AHNAK2: variants seen among roughly 807,000 people sequenced by gnomAD.
The protein encoded by AHNAK2 is protein AHNAK2.
Under a neutral mutation model 30.7 loss-of-function variants are expected in AHNAK2, and 18 were observed. The observed-to-expected ratio is 0.59, with a 90% CI of 0.41 to 0.87. The LOEUF is 0.87. Ranked by LOEUF, AHNAK2 falls within the 40% of genes least tolerant of loss-of-function variation. The pLI is 0.00. For synonymous variants in AHNAK2, 3,590 were observed against 3,073.8 expected (o/e 1.17, Z -5.56); for missense variants, 8,604 against 7,373.0 (o/e 1.17, Z -6.11).
rs1161726288 is a variant in AHNAK2, at chr14:104,952,720, C to T, written c.2731G>A (p.Gly911Ser). ...ACTTTGGGCAGGTGCACTTTGGGGC[C>T]GGCTCCCTCGGGCACAGGGCCCTCC... ...LPEGPVPEGA[G>S]PKVHLPKVEM... The change falls in exon 7 of 7, where the codon GGC becomes AGC. Residue 911 changes from glycine to serine, a missense_variant. Coordinates refer to ENST00000333244, the MANE Select transcript of AHNAK2 (RefSeq NM_138420.4). 12 of 1,612,382 alleles carry T rather than the reference C, an allele frequency of 7.4e-6. No individual in the cohort carries two copies. The highest frequency in any genetic ancestry group is 4.0e-5 in the African/African-American group (3 of 74,278).
At position 104,953,192 on chromosome 14, in the gene AHNAK2, G is replaced by A. The variant is rs1898847579; in HGVS notation, c.2259C>T (p.Ser753=). 5 of 1,612,908 alleles carry A rather than the reference G, an allele frequency of 3.1e-6. No individual in the cohort carries two copies. Among genetic ancestry groups the A allele is most frequent in the Non-Finnish European group, 4.2e-6 (5 of 1,179,628 alleles). The change falls in exon 7 of 7, where the codon AGC becomes AGT. Residue 753 remains serine, a synonymous_variant. Transcript: ENST00000333244. ...LPEGPLPEGA[S]LKGHLPKVQR... is the part of the protein sequence containing the mutation. ...GCACCTTGGGCAGGTGCCCTTTGAG[G>A]CTGGCTCCCTCGGGCAGGGGGCCCT...
rs370191157 is a variant in AHNAK2, at chr14:104,942,003, T to A, written c.13448A>T (p.Glu4483Val). The A allele has an allele frequency of 1.2e-6, 2 of 1,613,326 alleles. No homozygotes were observed. Among genetic ancestry groups the A allele is most frequent in the Non-Finnish European group, 1.7e-6 (2 of 1,179,680 alleles). ...TGGCGCAGACACATCCACCGAGACCTCGATGGACTTGCCTGGGGACAACAT... is the reference window on the plus strand; with the variant it reads ...TGGCGCAGACACATCCACCGAGACCACGATGGACTTGCCTGGGGACAACAT... ...FGMLSPGKSI[E>V]VSVDVSAPKM... Residue 4483 changes from glutamate to valine, a missense_variant, in exon 7 of 7, where the codon GAG becomes GTG. Transcript: ENST00000333244.
chr14:104,975,089 A>G (rs1385982534), intron 1 of AHNAK2, among the ~76,000 whole-genome samples: 1 of 152,210 alleles, frequency 6.6e-6, no homozygotes, highest in Non-Finnish European at 1.5e-5. Flanking sequence ...CCCAGGACAG[A>G]AGAGCTTGGC....
chr14:104,960,573 A>G (rs1229887489), intron 1 of AHNAK2, among the ~76,000 whole-genome samples: 2 of 152,190 alleles, frequency 1.3e-5, no homozygotes, highest in Admixed American at 1.3e-4. Flanking sequence ...CTGAGGCACA[A>G]GTGTACCCTG....
rs200025024 is a variant in AHNAK2 at position 104,955,608 on chromosome 14, G to A, written c.341C>T (p.Thr114Met). 1.5e-5 allele frequency: 24 copies of A among 1,613,404 alleles called. No individual in the cohort carries two copies. The highest frequency in any genetic ancestry group is 1.6e-4 in the Middle Eastern group (1 of 6,080). ...PEAVQEATEV[T>M]LKTEVEAGAS... Reference sequence around the variant, plus strand: ...TCCTGCCTCCACCTCTGTCTTCAGCGTCACCTCTGTTGCCTCCTGGACAGC... The same window carrying A: ...TCCTGCCTCCACCTCTGTCTTCAGCATCACCTCTGTTGCCTCCTGGACAGC... The change falls in exon 5 of 7, where the codon ACG becomes ATG. Residue 114 changes from threonine (T) to methionine (M), a missense_variant. Transcript: ENST00000333244.
intron 1 of AHNAK2, among the ~76,000 whole-genome samples, chr14:104,962,854 AAATGAATT>A (rs1899187476): frequency 1.3e-5 from 2 of 152,260 alleles, no homozygotes; most frequent in African/African-American, 4.8e-5. Context: ...TCACTCATGA[AAATGAATT>A]TGAAATGAAT....
Position 104,944,337 on chromosome 14 carries a change from T to G in AHNAK2, c.11114A>C (p.Lys3705Thr). The G allele has an allele frequency of 1.2e-6, 2 of 1,612,528 alleles. No homozygotes were observed. Among genetic ancestry groups the G allele is most frequent in the Non-Finnish European group, 1.7e-6 (2 of 1,179,464 alleles). ...LKVQAGQMDV[K>T]LPEGQVPEGA... ...CTCGGGCACCTGGCCCTCCGGGAGC[T>G]TCACATCCATCTGGCCAGCCTGGAC... is the stretch of plus-strand genomic sequence containing the variant. Residue 3705 changes from lysine (K) to threonine (T), a missense_variant, in exon 7 of 7, where the codon AAG becomes ACG. By Grantham distance (78) the Lys-to-Thr change is moderately conservative. Transcript: ENST00000333244.
Position 104,950,654 on chromosome 14 carries a change from C to T in AHNAK2, c.4797G>A (p.Lys1599=), listed in dbSNP as rs780982042. 8 of 1,587,072 alleles carry T rather than the reference C, an allele frequency of 5.0e-6. 1 individual carries two copies. The East Asian group carries it at 1.8e-4, about 36-fold the overall frequency. Residue 1599 remains lysine, a synonymous_variant, in exon 7 of 7, where the codon AAG becomes AAA. Coordinates refer to ENST00000333244, the MANE Select transcript of AHNAK2 (RefSeq NM_138420.4). ...VDLKGPQIDV[K]GPKLDLKGPK... is the part of the protein sequence containing the mutation. The stretch of plus-strand genomic sequence containing the variant: ...GGCCTTTCAGGTCCAGCTTGGGGCC[C>T]TTAACATCTATCTGGGGCCCCTTGA...
chr14:104,955,398 G>C, intron 5 of AHNAK2, 85 bp downstream of exon 5: 1 of 1,519,192 alleles, frequency 6.6e-7, no homozygotes, highest in South Asian at 1.3e-5. Context: ...TCCAGGTGTG[G>C]TTCTTACCCC....
Position 104,957,672 on chromosome 14 carries a change from A to G in AHNAK2, c.56T>C (p.Val19Ala), listed in dbSNP as rs1278325493. Residue 19 changes from valine to alanine, a missense_variant and splice_region_variant, in exon 2 of 7, where the codon GTG becomes GCG. Transcript: ENST00000333244. ...LPTWPGTPGS[V>A]SGRQLQPGEP... ...CCCGGGCTGCAGCTGACGGCCGGAC[A>G]CTGCAGAGAGAGTGGCTGTCAGTGG... 2 of 1,609,934 alleles carry G rather than the reference A, an allele frequency of 1.2e-6. No individual in the cohort carries two copies.
In AHNAK2 at chr14:104,937,752, AAATTT is replaced by A; in HGVS notation, c.*306_*310del. ...TTGGGTATTATGGACAGGTCTCTGGAAATTTATCTAATAAAGACCAACAAACTTCC... is the reference window on the plus strand; with the variant it reads ...TTGGGTATTATGGACAGGTCTCTGGAATCTAATAAAGACCAACAAACTTCC... On this transcript the variant is annotated 3_prime_UTR_variant, in exon 7 of 7. Transcript: ENST00000333244. 3.1e-6 allele frequency: 1 copy of A among 320,864 alleles called. No homozygotes were observed. The highest frequency in any genetic ancestry group is 4.4e-5 in the Admixed American group (1 of 22,542). 19.9% of individuals were successfully genotyped at this position (320,864 alleles called of 1,614,324 possible). A position where few individuals can be genotyped will look rare whatever the true frequency, so the allele number is the denominator to read the frequency against.
intron 4 of AHNAK2, among the ~76,000 whole-genome samples, chr14:104,955,965 T>A (rs1178564875): frequency 8.1e-6 from 1 of 123,652 alleles, no homozygotes; most frequent in African/African-American, 2.8e-5. Context: ...CTTTTTCAGC[T>A]CCTTCATGCA....
Position 104,949,972 on chromosome 14 carries a change from T to C in AHNAK2, c.5479A>G (p.Lys1827Glu). 1 of 1,588,410 alleles carries C rather than the reference T, an allele frequency of 6.3e-7. No individual in the cohort carries two copies. Among genetic ancestry groups the C allele is most frequent in the Non-Finnish European group, 8.6e-7 (1 of 1,163,538 alleles). ...TAKDSKFKMP[K>E]FKMPSFGVSA... ...ACCCCGAACGACGGCATCTTGAACT[T>C]GGGCATTTTGAACTTGCTGTCTTTG... The change falls in exon 7 of 7, where the codon AAG (lysine) becomes GAG (glutamate). Residue 1827 changes from lysine to glutamate, a missense_variant. Physicochemically the swap from Lys to Glu is moderately conservative, Grantham distance 56. Coordinates refer to ENST00000333244, the MANE Select transcript of AHNAK2 (RefSeq NM_138420.4).
intron 1 of AHNAK2, among the ~76,000 whole-genome samples, chr14:104,959,289 C>T (rs1899067071): frequency 6.6e-6 from 1 of 152,248 alleles, no homozygotes; most frequent in Non-Finnish European, 1.5e-5. Context: ...TCTTCTGCCT[C>T]AGCCTCCCGA....
chr14:104,967,797 G>A (rs542899985), intron 1 of AHNAK2, among the ~76,000 whole-genome samples: 7 of 152,308 alleles, frequency 4.6e-5, no homozygotes, highest in African/African-American at 1.4e-4. Context: ...ATAAGGCTGC[G>A]CAGCCAGGCT....
In AHNAK2 at chr14:104,954,292, C is replaced by G. The variant is rs923579219; in HGVS notation, c.1159G>C (p.Val387Leu). Residue 387 changes from valine to leucine, a missense_variant, in exon 7 of 7, where the codon GTG becomes CTG. By Grantham distance (32) the Val-to-Leu change is conservative. Transcript: ENST00000333244. The surrounding 1 kb of genome is among the most constrained non-coding windows in gnomAD (Gnocchi z 4.3). Reference protein sequence around the residue: ...REERAEQDREVMPAQSMPLPT... With the variant: ...REERAEQDRELMPAQSMPLPT... Reference sequence around the variant, plus strand: ...AATGGCATGCTCTGAGCAGGCATCACTTCTCGATCCTGTTCTGCCCTCTCC... The same window carrying G: ...AATGGCATGCTCTGAGCAGGCATCAGTTCTCGATCCTGTTCTGCCCTCTCC... 1.2e-6 allele frequency: 2 copies of G among 1,613,556 alleles called. No homozygotes were observed. Among genetic ancestry groups the G allele is most frequent in the South Asian group, 1.1e-5 (1 of 91,080 alleles).
chr14:104,976,248 G>A (rs960518996), intron 1 of AHNAK2, among the ~76,000 whole-genome samples: 18 of 152,158 alleles, frequency 1.2e-4, no homozygotes, highest in Admixed American at 9.8e-4. Flanking sequence ...TGTTACAGTC[G>A]GCAGCGCTGC....
chr14:104,954,732 T>C lies in AHNAK2; in HGVS notation c.719A>G (p.Glu240Gly), dbSNP rs1898918576. The C allele has an allele frequency of 1.2e-6, 2 of 1,610,088 alleles. No homozygotes were observed. Among genetic ancestry groups the C allele is most frequent in the African/African-American group, 1.3e-5 (1 of 74,732 alleles). The change falls in exon 7 of 7, where the codon GAG (glutamate) becomes GGG (glycine). Residue 240 changes from glutamate (E) to glycine (G), a missense_variant. Physicochemically the swap from Glu to Gly is moderately conservative, Grantham distance 98 (BLOSUM62 -2). Coordinates refer to ENST00000333244, the MANE Select transcript of AHNAK2 (RefSeq NM_138420.4). This position sits in a 1 kb window ranked among gnomAD's most constrained non-coding sequence, Gnocchi z 4.3. ...CACCCTTGGTTTGGAGATGAGTCTC[T>C]CTTGGTCCCCATCTCCTTCCAGAGT... ...TKTLEGDGDQ[E>G]RLISKPRVGR...
chr14:104,939,207 C>T lies in AHNAK2; in HGVS notation c.16244G>A (p.Cys5415Tyr). The change falls in exon 7 of 7, where the codon TGT becomes TAT. Residue 5415 changes from cysteine to tyrosine, a missense_variant. Coordinates refer to ENST00000333244, the MANE Select transcript of AHNAK2 (RefSeq NM_138420.4). ...GGCTGTATCAATATTGGCCTCTGGA[C>T]ACTGCACTTCCCTCACAGTGGGGAT... ...VFIPTVREVQ[C>Y]PEANIDTALC... The T allele has an allele frequency of 6.2e-7, 1 of 1,613,844 alleles. No individual in the cohort carries two copies. The highest frequency in any genetic ancestry group is 8.5e-7 in the Non-Finnish European group (1 of 1,179,880).
Sources: gnomAD v4.1 joint callset for allele counts (sites outside exome capture counted in the v4.1 genomes callset) on GRCh38, gnomAD v4.1.1 for gene constraint, Gnocchi (gnomAD v3.1) non-coding constraint, MANE v1.5 for transcripts, NCBI Gene and HGNC (gene_info 2026-07-23, HGNC 2026-07-21) for gene names.